The following PHF24 variants were observed in gnomAD, a reference collection of about 807,000 sequenced individuals.
PHF24 encodes Galpha inhibitory interacting protein.
PHF24 carries 25 observed loss-of-function variants against 42.6 expected under a neutral mutation model. The observed-to-expected ratio is 0.59, with a 90% confidence interval of 0.43 to 0.82. PHF24 has a LOEUF of 0.82. PHF24 is among the 40% of genes least tolerant of loss of function. PHF24 has a pLI of 0.00. For missense variants in PHF24, 470 were observed against 538.1 expected, an observed-to-expected ratio of 0.87 and a Z score of 1.25; for synonymous variants, 185 against 204.8, an observed-to-expected ratio of 0.90 and a Z score of 0.83.
At chr9:34,682,415 A>G in the PHF24 span, among the ~76,000 whole-genome samples, 1 of 152,090 alleles carries the variant, frequency 6.6e-6, no homozygotes, top group African/African-American at 2.4e-5. Flanking sequence ...GTAATTTCTA[A>G]GGCTCTGAGT....
At chr9:34,980,275 C>G (rs1188544946) in exon 8 of PHF24, 1 of 152,238 alleles carries the variant, frequency 6.6e-6, no homozygotes, top group African/African-American at 2.4e-5. Context: ...AGTTGGTGGG[C>G]CAGGTCAGGC....
the PHF24 span, among the ~76,000 whole-genome samples, chr9:34,810,173 G>A: frequency 6.6e-6 from 1 of 152,088 alleles, no homozygotes; most frequent in Non-Finnish European, 1.5e-5. Context: ...AGTGGGGACG[G>A]GGGCGGCGGG....
chr9:34,886,384 A>T, the PHF24 span, among the ~76,000 whole-genome samples: 3 of 151,568 alleles, frequency 2.0e-5, no homozygotes, highest in East Asian at 5.8e-4. Context: ...TCTTGAATCC[A>T]CTCCAGTCAC....
At chr9:34,741,363 C>A in the PHF24 span, among the ~76,000 whole-genome samples, 1 of 151,510 alleles carries the variant, frequency 6.6e-6, no homozygotes, top group Admixed American at 6.6e-5. Context: ...TTTTCTTTTT[C>A]TTTTTCTTTT....
the PHF24 span, chr9:34,917,448 A>G: frequency 1.3e-6 from 1 of 768,666 alleles, no homozygotes; most frequent in East Asian, 2.4e-5. Context: ...CCTTTCCGTA[A>G]GGATCCTAAC....
At chr9:34,881,189 C>A in the PHF24 span, among the ~76,000 whole-genome samples, 1 of 152,270 alleles carries the variant, frequency 6.6e-6, no homozygotes, top group East Asian at 1.9e-4. Flanking sequence ...ATACCAGAAT[C>A]TCTGGGACAC....
At chr9:34,690,794 A>G in the PHF24 span, among the ~76,000 whole-genome samples, 1 of 152,020 alleles carries the variant, frequency 6.6e-6, no homozygotes, top group Non-Finnish European at 1.5e-5. Context: ...CCTTAAGCAA[A>G]TCTCCTTCTG....
the PHF24 span, among the ~76,000 whole-genome samples, chr9:34,937,313 G>C: frequency 0.021 from 3,179 of 152,062 alleles, 48 homozygotes; most frequent in African/African-American, 0.029. Flanking sequence ...AAGAAAAATT[G>C]TTCTGTCTTG....
the PHF24 span, among the ~76,000 whole-genome samples, chr9:34,771,113 C>T: frequency 6.6e-6 from 1 of 152,010 alleles, no homozygotes; most frequent in Admixed American, 6.6e-5. Context: ...AACTTTGTCT[C>T]GAAGTAAATA....
the PHF24 span, among the ~76,000 whole-genome samples, chr9:34,951,412 T>C: frequency 4.6e-5 from 7 of 152,248 alleles, no homozygotes; most frequent in African/African-American, 1.7e-4. Flanking sequence ...CAGTGGGCTC[T>C]ATAATCATAA....
chr9:34,890,117 G>T, the PHF24 span, among the ~76,000 whole-genome samples: 1 of 152,278 alleles, frequency 6.6e-6, no homozygotes, highest in East Asian at 1.9e-4. Flanking sequence ...AACCATCTTA[G>T]CTAAACTAAA....
the PHF24 span, among the ~76,000 whole-genome samples, chr9:34,913,977 C>G: frequency 1.4e-4 from 22 of 152,146 alleles, no homozygotes; most frequent in African/African-American, 5.1e-4. Context: ...ACCCCACTTT[C>G]AGAGGTAGCT....
the PHF24 span, among the ~76,000 whole-genome samples, chr9:34,913,832 G>A: frequency 1.3e-5 from 2 of 152,126 alleles, no homozygotes; most frequent in African/African-American, 4.8e-5. Context: ...GCCTGGTCCA[G>A]GTGAGTCCAG....
At chr9:34,912,788 A>C in the PHF24 span, among the ~76,000 whole-genome samples, 1 of 152,250 alleles carries the variant, frequency 6.6e-6, no homozygotes, top group African/African-American at 2.4e-5. Flanking sequence ...AATTTAGTAC[A>C]CAAAATGTCT....
the PHF24 span, among the ~76,000 whole-genome samples, chr9:34,884,385 A>T: frequency 6.6e-6 from 1 of 152,188 alleles, no homozygotes; most frequent in Admixed American, 6.5e-5. Flanking sequence ...AAAAAGAATA[A>T]TTTTTTAAAA....
At chr9:34,762,775 G>T in the PHF24 span, among the ~76,000 whole-genome samples, 1 of 152,164 alleles carries the variant, frequency 6.6e-6, no homozygotes, top group African/African-American at 2.4e-5. Context: ...CATTGCCCAT[G>T]CCTATGTCTT....
chr9:34,703,464 C>T, the PHF24 span, among the ~76,000 whole-genome samples: 22,419 of 151,838 alleles, frequency 0.15, 2,287 homozygotes, highest in East Asian at 0.55. Flanking sequence ...CCACTGCCCC[C>T]AGCCCATTAT....
chr9:34,936,677 C>T, the PHF24 span, among the ~76,000 whole-genome samples: 17 of 151,468 alleles, frequency 1.1e-4, no homozygotes, highest in African/African-American at 2.9e-4. Flanking sequence ...CGTCTCTGCC[C>T]GGCCACCCAT....
the PHF24 span, chr9:34,922,532 A>C: frequency 9.7e-7 from 1 of 1,027,806 alleles, no homozygotes; most frequent in Non-Finnish European, 1.5e-6. Flanking sequence ...CGGCAACCTC[A>C]GCCAAGTAAT....
Sources: gnomAD v4.1 joint callset for allele counts (sites outside exome capture counted in the v4.1 genomes callset) on GRCh38, gnomAD v4.1.1 for gene constraint, MANE v1.5 for transcripts, NCBI Gene and HGNC (gene_info 2026-07-23, HGNC 2026-07-21) for gene names.